The following TAS2R1 variants were observed in gnomAD, a reference collection of about 807,000 sequenced individuals.
The protein encoded by TAS2R1 is taste receptor type 2 member 1.
For synonymous variants in TAS2R1, 141 were observed against 134.2 expected, an observed-to-expected ratio of 1.05 and a Z score of -0.35; for missense variants, 370 against 353.4, an observed-to-expected ratio of 1.05 and a Z score of -0.38.
At chr5:9,819,379 A>T in the TAS2R1 span, among the ~76,000 whole-genome samples, 1 of 152,304 alleles carries the variant, frequency 6.6e-6, no homozygotes, top group Non-Finnish European at 1.5e-5. Context: ...TAATTTTTTT[A>T]AGGTGAAGGT....
At chr5:9,857,853 T>A in the TAS2R1 span, among the ~76,000 whole-genome samples, 2 of 152,178 alleles carry the variant, frequency 1.3e-5, no homozygotes, top group African/African-American at 4.8e-5. Flanking sequence ...GTATACCACC[T>A]GGTATGGTTC....
the TAS2R1 span, among the ~76,000 whole-genome samples, chr5:9,819,227 T>C: frequency 1.3e-4 from 20 of 152,274 alleles, no homozygotes; most frequent in African/African-American, 4.8e-4. Context: ...CAAAGACTCC[T>C]CAATGAGTCT....
chr5:9,890,119 G>C, the TAS2R1 span, among the ~76,000 whole-genome samples: 1 of 152,068 alleles, frequency 6.6e-6, no homozygotes, highest in African/African-American at 2.4e-5. Flanking sequence ...AAGGGACTCG[G>C]GATCCAGCCT....
chr5:9,791,850 T>C, the TAS2R1 span, among the ~76,000 whole-genome samples: 1 of 152,204 alleles, frequency 6.6e-6, no homozygotes, highest in African/African-American at 2.4e-5. Context: ...AGAGGACGCA[T>C]GCAGATAGAA....
chr5:9,875,223 G>A, the TAS2R1 span, among the ~76,000 whole-genome samples: 14 of 152,150 alleles, frequency 9.2e-5, no homozygotes, highest in East Asian at 5.8e-4. Flanking sequence ...ATGAGGGAGC[G>A]GGCAGGAGCC....
At chr5:9,864,992 T>C in the TAS2R1 span, among the ~76,000 whole-genome samples, 1 of 152,156 alleles carries the variant, frequency 6.6e-6, no homozygotes, top group Non-Finnish European at 1.5e-5. Flanking sequence ...CATATCTTCT[T>C]TCTTCCTTGG....
At chr5:9,711,397 C>T (rs974995763) in intron 1 of TAS2R1, among the ~76,000 whole-genome samples, 27 of 152,046 alleles carry the variant, frequency 1.8e-4, no homozygotes, top group Admixed American at 1.2e-3. Flanking sequence ...TTTTACTAAA[C>T]GAAATAAGTC....
At chr5:9,847,169 A>G in the TAS2R1 span, among the ~76,000 whole-genome samples, 76 of 152,356 alleles carry the variant, frequency 5.0e-4, 1 homozygote, top group East Asian at 0.014. Context: ...TCCTCTCAAC[A>G]ACCTTCTCAA....
chr5:9,693,524 CAAAAAAAAAAAAA>C (rs35262775), intron 1 of TAS2R1, among the ~76,000 whole-genome samples: 2 of 33,024 alleles, frequency 6.1e-5, no homozygotes, highest in South Asian at 1.9e-3. Context: ...AACTCCATCT[CAAAAAAAAAAAAA>C]AAAAAAAAAA....
intron 2 of TAS2R1, among the ~76,000 whole-genome samples, chr5:9,657,925 G>A (rs1275567619): frequency 6.6e-6 from 1 of 152,148 alleles, no homozygotes. Flanking sequence ...CAACAAAGCT[G>A]ACATATCTGA....
intron 2 of TAS2R1, among the ~76,000 whole-genome samples, chr5:9,643,023 C>T (rs2126482421): frequency 1.3e-5 from 2 of 151,748 alleles, no homozygotes. Context: ...TTTCCTTCTT[C>T]CCTCCCTTCC....
the TAS2R1 span, among the ~76,000 whole-genome samples, chr5:9,755,773 T>C: frequency 6.6e-6 from 1 of 151,980 alleles, no homozygotes; most frequent in Non-Finnish European, 1.5e-5. Context: ...GAACTGAGGG[T>C]TTCTCCTGAT....
At chr5:9,773,993 T>C in the TAS2R1 span, among the ~76,000 whole-genome samples, 1 of 152,222 alleles carries the variant, frequency 6.6e-6, no homozygotes, top group African/African-American at 2.4e-5. Context: ...ATTACCCTGT[T>C]GAACAAAACT....
At chr5:9,683,948 TGAAG>T (rs1741077878) in intron 1 of TAS2R1, among the ~76,000 whole-genome samples, 2 of 152,122 alleles carry the variant, frequency 1.3e-5, no homozygotes, top group South Asian at 4.1e-4. Flanking sequence ...GTTACAAGAA[TGAAG>T]GAAGAGGTAA....
the TAS2R1 span, among the ~76,000 whole-genome samples, chr5:9,868,252 C>T: frequency 1.3e-5 from 2 of 152,246 alleles, no homozygotes; most frequent in Non-Finnish European, 2.9e-5. Context: ...CCACACTGCT[C>T]TAGCAGAGAT....
At chr5:9,677,725 G>A (rs1231346758) in intron 1 of TAS2R1, among the ~76,000 whole-genome samples, 1 of 152,136 alleles carries the variant, frequency 6.6e-6, no homozygotes, top group Non-Finnish European at 1.5e-5. Flanking sequence ...TAGCTAGTAG[G>A]AATAGAAAAT....
the TAS2R1 span, among the ~76,000 whole-genome samples, chr5:9,868,374 C>G: frequency 1.3e-5 from 2 of 152,222 alleles, no homozygotes; most frequent in African/African-American, 2.4e-5. Context: ...TCTGTGCACT[C>G]TCAAATTCAA....
intron 1 of TAS2R1, among the ~76,000 whole-genome samples, chr5:9,691,793 C>T (rs548458312): frequency 1.4e-4 from 22 of 152,266 alleles, no homozygotes; most frequent in Non-Finnish European, 2.5e-4. Flanking sequence ...GTTTCTGGTT[C>T]TATAAATAGG....
chr5:9,783,032 T>C, the TAS2R1 span, among the ~76,000 whole-genome samples: 2 of 152,168 alleles, frequency 1.3e-5, no homozygotes, highest in Non-Finnish European at 2.9e-5. Context: ...GACATCGCTG[T>C]CCTTGCCTCC....
Sources: gnomAD v4.1 joint callset for allele counts (sites outside exome capture counted in the v4.1 genomes callset) on GRCh38, gnomAD v4.1.1 for gene constraint, MANE v1.5 for transcripts, NCBI Gene and HGNC (gene_info 2026-07-23, HGNC 2026-07-21) for gene names.